Variants in ABTB3 observed in about 807,000 individuals in gnomAD.
ABTB3 encodes ankyrin repeat- and BTB/POZ domain-containing protein 3.
chr12:107,500,416 G>A, the ABTB3 span, among the ~76,000 whole-genome samples: 23 of 152,196 alleles, frequency 1.5e-4, no homozygotes, highest in East Asian at 2.7e-3. Flanking sequence ...ACCAAGATAG[G>A]CTGCTGCCCT....
chr12:107,385,696 C>T, the ABTB3 span, among the ~76,000 whole-genome samples: 27 of 152,194 alleles, frequency 1.8e-4, no homozygotes, highest in African/African-American at 6.3e-4. Flanking sequence ...CTGCCAATCA[C>T]AGCAGCTCTG....
chr12:107,633,282 T>C, the ABTB3 span, among the ~76,000 whole-genome samples: 1 of 152,152 alleles, frequency 6.6e-6, no homozygotes, highest in East Asian at 1.9e-4. Flanking sequence ...TATGAGAAAG[T>C]GGGCCCTCAC....
chr12:107,351,531 G>C, the ABTB3 span, among the ~76,000 whole-genome samples: 2 of 152,210 alleles, frequency 1.3e-5, no homozygotes. Context: ...CCAGTGTTGA[G>C]AGGTGAGACC....
the ABTB3 span, among the ~76,000 whole-genome samples, chr12:107,508,449 T>TTTG: frequency 3.4e-5 from 4 of 116,440 alleles, no homozygotes; most frequent in African/African-American, 1.2e-4. Context: ...TTTTTTTTTT[T>TTTG]TTTTTTTTTT....
the ABTB3 span, among the ~76,000 whole-genome samples, chr12:107,537,423 G>A: frequency 6.6e-6 from 1 of 152,054 alleles, no homozygotes; most frequent in Non-Finnish European, 1.5e-5. Context: ...TGAGGTGATG[G>A]ATATGGTAAT....
chr12:107,492,560 A>G, the ABTB3 span, among the ~76,000 whole-genome samples: 139 of 152,142 alleles, frequency 9.1e-4, 1 homozygote, highest in African/African-American at 2.9e-3. Context: ...ACAATCCTAT[A>G]GTCACTTTGG....
the ABTB3 span, among the ~76,000 whole-genome samples, chr12:107,572,785 A>C: frequency 1.6e-3 from 242 of 152,298 alleles, 1 homozygote; most frequent in African/African-American, 5.6e-3. Flanking sequence ...TGAAGCCTAG[A>C]GGATGTGTAG....
chr12:107,642,255 C>T, the ABTB3 span: 2 of 1,262,804 alleles, frequency 1.6e-6, no homozygotes, highest in Non-Finnish European at 2.3e-6. Context: ...TGAGGATTGG[C>T]CACTTGGAGA....
At chr12:107,532,103 A>G in the ABTB3 span, among the ~76,000 whole-genome samples, 2 of 152,184 alleles carry the variant, frequency 1.3e-5, no homozygotes, top group Admixed American at 6.5e-5. Context: ...GGTCCCACAC[A>G]TCACTCAGGG....
At chr12:107,427,310 C>T in the ABTB3 span, among the ~76,000 whole-genome samples, 2 of 151,236 alleles carry the variant, frequency 1.3e-5, no homozygotes, top group Non-Finnish European at 2.9e-5. Context: ...GAAACAGGAT[C>T]TTGCTCTGTT....
At chr12:107,347,244 C>T in the ABTB3 span, among the ~76,000 whole-genome samples, 2 of 152,076 alleles carry the variant, frequency 1.3e-5, no homozygotes, top group Non-Finnish European at 2.9e-5. Context: ...AGCTATGAGC[C>T]TCACACTGTT....
chr12:107,376,079 C>A, the ABTB3 span, among the ~76,000 whole-genome samples: 3 of 152,116 alleles, frequency 2.0e-5, no homozygotes, highest in African/African-American at 7.2e-5. Flanking sequence ...AGGATGGTGT[C>A]CCCTAGACAA....
At chr12:107,579,706 A>G in the ABTB3 span, among the ~76,000 whole-genome samples, 1 of 152,204 alleles carries the variant, frequency 6.6e-6, no homozygotes, top group Non-Finnish European at 1.5e-5. Flanking sequence ...CATGGTGGCC[A>G]TGCTGGACTG....
the ABTB3 span, among the ~76,000 whole-genome samples, chr12:107,464,905 G>T: frequency 6.6e-6 from 1 of 151,924 alleles, no homozygotes; most frequent in Non-Finnish European, 1.5e-5. Context: ...GAGGCCAAGG[G>T]TGCTGCTAAG....
the ABTB3 span, among the ~76,000 whole-genome samples, chr12:107,539,685 G>T: frequency 2.0e-5 from 3 of 152,198 alleles, no homozygotes; most frequent in Non-Finnish European, 2.9e-5. Flanking sequence ...GGAAGAGCAG[G>T]CAGCCCATGA....
At chr12:107,554,180 C>T in the ABTB3 span, among the ~76,000 whole-genome samples, 2 of 152,158 alleles carry the variant, frequency 1.3e-5, no homozygotes, top group Admixed American at 1.3e-4. Flanking sequence ...CAGATGAGAA[C>T]ATTAAGTCTT....
chr12:107,575,870 G>A, the ABTB3 span, among the ~76,000 whole-genome samples: 2 of 152,158 alleles, frequency 1.3e-5, no homozygotes, highest in African/African-American at 4.8e-5. Context: ...TCGGTTAGGG[G>A]TGGGAGGCAT....
At chr12:107,395,690 T>C in the ABTB3 span, among the ~76,000 whole-genome samples, 1 of 152,192 alleles carries the variant, frequency 6.6e-6, no homozygotes, top group Non-Finnish European at 1.5e-5. Context: ...CCCCAGGTGC[T>C]GTAAGAGTGC....
chr12:107,551,785 T>C, the ABTB3 span, among the ~76,000 whole-genome samples: 2 of 151,366 alleles, frequency 1.3e-5, no homozygotes, highest in East Asian at 3.9e-4. Context: ...AGAGTTTCAC[T>C]CTTATTGCCC....
Sources: allele counts gnomAD v4.1 joint callset (sites outside exome capture counted in the v4.1 genomes callset), GRCh38; gene constraint gnomAD v4.1.1; transcripts MANE v1.5; gene names NCBI Gene and HGNC (gene_info 2026-07-23, HGNC 2026-07-21).